Variants in BBS2 observed in about 807,000 individuals in gnomAD.
The protein encoded by BBS2 is BBSome complex member BBS2.
BBS2 carries 62 observed loss-of-function variants against 83.0 expected under a neutral mutation model. The ratio of observed to expected loss-of-function variants is 0.75; its 90% CI spans 0.61 to 0.92. The LOEUF is 0.92. Among genes scored for constraint, BBS2 ranks in the 40% least tolerant of loss-of-function variants. The pLI is 0.00. For synonymous variants in BBS2, 303 were observed against 326.1 expected (o/e 0.93, Z 0.76); for missense variants, 784 against 901.0 (o/e 0.87, Z 1.66).
Position 56,484,944 on chromosome 16 carries a change from A to G in BBS2, c.2060-77T>C, listed in dbSNP as rs537657322. The G allele has an allele frequency of 7.2e-5, 79 of 1,094,880 alleles. No individual in the cohort carries two copies. In the Admixed American group the frequency reaches 1.4e-3, roughly 20 times the overall value. The allele number at this position is 1,094,880 out of a possible 1,614,324, so 67.8% of individuals were successfully genotyped here. A position where few individuals can be genotyped will look rare whatever the true frequency, so the allele number is the denominator to read the frequency against. On this transcript the variant is annotated intron_variant, in intron 16 of 16. Transcript: ENST00000245157. ...AAAATTAGACGTCAGTTTTAAAACA[A>G]CATAAAACCAGGAGGGAAAAGAGTT...
chr16:56,517,650 G>T (rs555819183), intron 1 of BBS2, among the ~76,000 whole-genome samples: 1 of 152,170 alleles, frequency 6.6e-6, no homozygotes, highest in South Asian at 2.1e-4. Flanking sequence ...GCAAAAACTT[G>T]TCTGTCACAT....
Position 56,499,798 on chromosome 16 carries a change from T to C in BBS2, c.1507A>G (p.Ile503Val), listed in dbSNP as rs1203312714. The C allele has an allele frequency of 1.9e-6, 3 of 1,614,064 alleles. No homozygotes were observed. The highest frequency in any genetic ancestry group is 3.3e-5 in the Admixed American group (2 of 60,004). ...SEPISYVNFT[I>V]AERAQRVVVW... ...CTCACCCTCTGTGCCCGTTCTGCAATGGTAAAGTTAACATAACTGATTGGC... is the reference window on the plus strand; with the variant it reads ...CTCACCCTCTGTGCCCGTTCTGCAACGGTAAAGTTAACATAACTGATTGGC... The change falls in exon 12 of 17, where the codon ATT becomes GTT. Residue 503 changes from isoleucine (I) to valine (V), a missense_variant. By Grantham distance (29) the Ile-to-Val change is conservative. Transcript: ENST00000245157.
intron 17 of BBS2, among the ~76,000 whole-genome samples, chr16:56,474,381 C>G (rs543051641): frequency 1.4e-4 from 20 of 143,376 alleles, no homozygotes; most frequent in Non-Finnish European, 2.4e-4. Context: ...AGTGTAATGG[C>G]ACAATCTCGG....
At chr16:56,495,727 T>C (rs1964095525) in intron 15 of BBS2, among the ~76,000 whole-genome samples, 1 of 151,904 alleles carries the variant, frequency 6.6e-6, no homozygotes, top group Non-Finnish European at 1.5e-5. Flanking sequence ...TTTCTAAGTG[T>C]GATATGGCAT....
Position 56,514,825 on chromosome 16 carries a change from T to C in BBS2, c.118-145A>G, listed in dbSNP as rs529220203. The C allele has an allele frequency of 1.1e-5, 7 of 654,352 alleles. No homozygotes were observed. The South Asian group carries it at 1.2e-4, about 11-fold the overall frequency. 40.5% of individuals were successfully genotyped at this position (654,352 alleles called of 1,614,324 possible). A position where few individuals can be genotyped will look rare whatever the true frequency, so the allele number is the denominator to read the frequency against. ...CTATGAAACTTAAAACACTCGTACA[T>C]AGTTCAATGCATGGACAACTTTCAG... is the stretch of plus-strand genomic sequence containing the variant. On this transcript the variant is annotated intron_variant, in intron 1 of 16. Transcript: ENST00000245157.
At chr16:56,510,295 A>G (rs1442389253) in intron 4 of BBS2, among the ~76,000 whole-genome samples, 1 of 152,288 alleles carries the variant, frequency 6.6e-6, no homozygotes, top group Admixed American at 6.5e-5. Flanking sequence ...TTCCCTGAGT[A>G]CCTGAAAAGG....
At chr16:56,514,330 T>C in intron 2 of BBS2, 123 bp downstream of exon 2, 3 of 892,606 alleles carry the variant, frequency 3.4e-6, no homozygotes, top group Non-Finnish European at 5.3e-6. Context: ...CTCCATGTTG[T>C]TTACCTATAC....
chr16:56,485,625 A>T lies in BBS2; in HGVS notation c.2024T>A (p.Val675Glu). Residue 675 changes from valine (V) to glutamate (E), a missense_variant, in exon 16 of 17, where the codon GTA (valine) becomes GAA (glutamate). Physicochemically the swap from Val to Glu is moderately radical, Grantham distance 121 (BLOSUM62 -2). Transcript: ENST00000245157. The part of the protein sequence containing the change: ...HTELLGNLKA[V>E]NQAIQRAGRL... ...ACCTGCTCTTTGAATTGCTTGATTT[A>T]CTGCTTTGAGGTTTCCCAACAGCTC... is the stretch of plus-strand genomic sequence containing the variant. 1 of 1,614,184 alleles carries T rather than the reference A, an allele frequency of 6.2e-7. No individual in the cohort carries two copies. Among genetic ancestry groups the T allele is most frequent in the Non-Finnish European group, 8.5e-7 (1 of 1,180,008 alleles).
intron 17 of BBS2, chr16:56,476,149 A>G (rs376900100): frequency 6.2e-7 from 1 of 1,613,732 alleles, no homozygotes; most frequent in Non-Finnish European, 8.5e-7. Context: ...GGAACAAAAG[A>G]AAACCTTCCC....
chr16:56,479,486 T>C (rs1384471554), downstream of BBS2, among the ~76,000 whole-genome samples: 4 of 152,100 alleles, frequency 2.6e-5, no homozygotes, highest in African/African-American at 9.7e-5. Context: ...TCAAAAAAAA[T>C]AGCTTTCTGT....
chr16:56,510,092 TAAACA>T, intron 4 of BBS2, 58 bp from the exon 5 acceptor site: 1 of 1,527,092 alleles, frequency 6.5e-7, no homozygotes, highest in Non-Finnish European at 9.1e-7. Flanking sequence ...AAAATTTCTG[TAAACA>T]AAACAAAAAA....
At chr16:56,492,178 T>C (rs1416399669) in intron 15 of BBS2, among the ~76,000 whole-genome samples, 1 of 152,138 alleles carries the variant, frequency 6.6e-6, no homozygotes, top group Non-Finnish European at 1.5e-5. Context: ...CCAAATGAAC[T>C]GAAGACAAGA....
At chr16:56,487,278 T>TA (rs1963811002) in intron 15 of BBS2, among the ~76,000 whole-genome samples, 3 of 151,770 alleles carry the variant, frequency 2.0e-5, no homozygotes, top group Admixed American at 2.0e-4. Context: ...GATAGAGAGA[T>TA]AGAGAAACTA....
Position 56,497,303 on chromosome 16 carries a change from T to G in BBS2, c.1798-224A>C, listed in dbSNP as rs1008475146. 7 of 582,514 alleles carry G rather than the reference T, an allele frequency of 1.2e-5. No individual in the cohort carries two copies. In the African/African-American group the frequency reaches 1.3e-4, roughly 11 times the overall value. 36.1% of individuals were successfully genotyped at this position (582,514 alleles called of 1,614,324 possible). ...CTCCATGTGAATCTTCCCCATGCTT[T>G]AGCACCAGGAGCCCCCACAACACAC... On this transcript the variant is annotated intron_variant, in intron 14 of 16. Coordinates refer to ENST00000245157, the MANE Select transcript of BBS2 (RefSeq NM_031885.5).
chr16:56,500,636 A>AG (rs1964243099), intron 11 of BBS2: 1 of 530,352 alleles, frequency 1.9e-6, no homozygotes, highest in Non-Finnish European at 3.3e-6. Flanking sequence ...AAAAAAAAAA[A>AG]AAAAAAAGAA....
Position 56,498,490 on chromosome 16 carries a change from T to C in BBS2, c.1606A>G (p.Thr536Ala), listed in dbSNP as rs1426978808. ...IQNAPFQVCF[T>A]SLRNGGHLHI... ...AGGTGGCCGCCATTCCGTAAAGATGTGAAACACACTTGAAATGGAGCATTC... is the reference window on the plus strand; with the variant it reads ...AGGTGGCCGCCATTCCGTAAAGATGCGAAACACACTTGAAATGGAGCATTC... The change falls in exon 13 of 17, where the codon ACA becomes GCA. Residue 536 changes from threonine to alanine, a missense_variant. By Grantham distance (58) the Thr-to-Ala change is moderately conservative. Transcript: ENST00000245157. 6.2e-7 allele frequency: 1 copy of C among 1,614,108 alleles called. No individual in the cohort carries two copies. Among genetic ancestry groups the C allele is most frequent in the East Asian group, 2.2e-5 (1 of 44,866 alleles).
At chr16:56,490,124 A>ACG (rs1963903124) in intron 15 of BBS2, among the ~76,000 whole-genome samples, 1 of 126,796 alleles carries the variant, frequency 7.9e-6, no homozygotes, top group South Asian at 2.7e-4. Flanking sequence ...ACACACACAC[A>ACG]CACGCACACA....
chr16:56,483,967 C>CT (rs1338786456), downstream of BBS2, among the ~76,000 whole-genome samples: 1 of 149,994 alleles, frequency 6.7e-6, no homozygotes, highest in African/African-American at 2.5e-5. Flanking sequence ...TCCCAAAGTG[C>CT]TAGGATTATA....
At position 56,485,724 on chromosome 16, in the gene BBS2, C is replaced by T. The variant is rs1198799415; in HGVS notation, c.1925G>A (p.Ser642Asn). ...RLMRDMKTMK[S>N]RYMELYDLNR... ...AAGGTCATAGAGTTCCATATAACGACTCTTCATTGTTTTCCTGTGCAAATC... is the reference window on the plus strand; with the variant it reads ...AAGGTCATAGAGTTCCATATAACGATTCTTCATTGTTTTCCTGTGCAAATC... The change falls in exon 16 of 17, where the codon AGT becomes AAT. Residue 642 changes from serine (S) to asparagine (N), a missense_variant. Transcript: ENST00000245157. 1 of 1,613,952 alleles carries T rather than the reference C, an allele frequency of 6.2e-7. No individual in the cohort carries two copies. The highest frequency in any genetic ancestry group is 8.5e-7 in the Non-Finnish European group (1 of 1,179,880).
Sources: allele counts gnomAD v4.1 joint callset (sites outside exome capture counted in the v4.1 genomes callset), GRCh38; gene constraint gnomAD v4.1.1; transcripts MANE v1.5; gene names NCBI Gene and HGNC (gene_info 2026-07-23, HGNC 2026-07-21).